The following BMPR1B variants were observed in gnomAD, a reference collection of about 807,000 sequenced individuals.
The protein encoded by BMPR1B is bone morphogenetic protein receptor type-1B.
BMPR1B carries 12 observed loss-of-function variants against 59.1 expected under a neutral mutation model. The observed-to-expected ratio is 0.20, with a 90% CI of 0.13 to 0.33. BMPR1B has a LOEUF of 0.33. Ranked by LOEUF, BMPR1B falls within the 10% of genes least tolerant of loss-of-function variation. The probability of loss-of-function intolerance (pLI) is 1.00; values close to 1 mark genes in which losing one functional copy is unlikely to be tolerated. For synonymous variants in BMPR1B, 237 were observed against 207.3 expected, an observed-to-expected ratio of 1.14 and a Z score of -1.23; for missense variants, 550 against 610.9, an observed-to-expected ratio of 0.90 and a Z score of 1.05.
At chr4:94,980,125 A>G (rs1242952249) in intron 2 of BMPR1B, among the ~76,000 whole-genome samples, 1 of 152,224 alleles carries the variant, frequency 6.6e-6, no homozygotes, top group Non-Finnish European at 1.5e-5. Flanking sequence ...AGAATAAGTC[A>G]TCACAGTTCA....
chr4:95,089,062 C>T (rs1729795679), intron 3 of BMPR1B, among the ~76,000 whole-genome samples: 1 of 152,024 alleles, frequency 6.6e-6, no homozygotes, highest in Non-Finnish European at 1.5e-5. Flanking sequence ...CCTTTGCCCC[C>T]ATATTAGTAT....
intron 1 of BMPR1B, among the ~76,000 whole-genome samples, chr4:94,779,667 CT>C (rs1722516723): frequency 6.6e-6 from 1 of 151,986 alleles, no homozygotes; most frequent in Non-Finnish European, 1.5e-5. Flanking sequence ...CCTGTCTTTA[CT>C]AAAAATACAA....
At chr4:94,795,507 C>T (rs1316225988) in intron 1 of BMPR1B, among the ~76,000 whole-genome samples, 1 of 152,016 alleles carries the variant, frequency 6.6e-6, no homozygotes, top group Non-Finnish European at 1.5e-5. Flanking sequence ...CTCTGTTGCT[C>T]AGGTTGGAGT....
chr4:95,011,398 C>G (rs1416939177), intron 3 of BMPR1B, among the ~76,000 whole-genome samples: 1 of 152,136 alleles, frequency 6.6e-6, no homozygotes, highest in Non-Finnish European at 1.5e-5. Flanking sequence ...TGAGACTGTT[C>G]CACAGAGCTC....
intron 10 of BMPR1B, among the ~76,000 whole-genome samples, chr4:95,138,440 T>G (rs1733968523): frequency 1.3e-5 from 2 of 152,322 alleles, no homozygotes; most frequent in South Asian, 4.1e-4. Context: ...TTTCCTGAAT[T>G]TGAATGTTGG....
chr4:94,909,340 A>G (rs1017160677), intron 2 of BMPR1B, among the ~76,000 whole-genome samples: 8 of 152,020 alleles, frequency 5.3e-5, no homozygotes, highest in African/African-American at 1.9e-4. Flanking sequence ...TAAATACCCA[A>G]CAGGAAGGCA....
intron 1 of BMPR1B, among the ~76,000 whole-genome samples, chr4:94,860,283 A>G (rs774748217): frequency 8.5e-4 from 130 of 152,320 alleles, no homozygotes; most frequent in Middle Eastern, 6.8e-3. Context: ...ACAAACTTGA[A>G]GAGCAAAAAC....
chr4:94,878,238 A>G (rs1461092214), intron 2 of BMPR1B, among the ~76,000 whole-genome samples: 1 of 152,178 alleles, frequency 6.6e-6, no homozygotes, highest in Non-Finnish European at 1.5e-5. Context: ...CACTGTTTTA[A>G]TGTGCTATTT....
At chr4:95,090,171 T>C (rs1477014510) in intron 3 of BMPR1B, among the ~76,000 whole-genome samples, 1 of 152,032 alleles carries the variant, frequency 6.6e-6, no homozygotes, top group Non-Finnish European at 1.5e-5. Context: ...CTATGCATAT[T>C]TTTTTCTAAC....
chr4:94,820,856 A>G (rs1724183066), intron 1 of BMPR1B, among the ~76,000 whole-genome samples: 1 of 152,248 alleles, frequency 6.6e-6, no homozygotes, highest in Admixed American at 6.5e-5. Context: ...CTTCAACCAT[A>G]TAACATATGT....
chr4:95,018,890 G>A (rs1042954190), intron 3 of BMPR1B, among the ~76,000 whole-genome samples: 1 of 152,042 alleles, frequency 6.6e-6, no homozygotes, highest in Admixed American at 6.6e-5. Flanking sequence ...TTGGCACCTC[G>A]GACTTCATAC....
At chr4:94,824,723 A>G (rs1050272385) in intron 1 of BMPR1B, among the ~76,000 whole-genome samples, 1 of 152,184 alleles carries the variant, frequency 6.6e-6, no homozygotes, top group African/African-American at 2.4e-5. Flanking sequence ...TTTCTGTTTA[A>G]TTGATCTTGG....
Position 94,980,923 on chromosome 4 carries a change from A to C in BMPR1B, c.-112-15117A>C, listed in dbSNP as rs1045046059. ...GGCAGGAGAATCGCTTGAACCCAGG[A>C]GGCAGAGGTTGCAGTGAGCCGAGAT... On this transcript the variant is annotated intron_variant, in intron 2 of 12. Transcript: ENST00000515059. Among the ~76,000 whole-genome samples, 3 of 151,990 alleles carry C rather than the reference A, an allele frequency of 2.0e-5. No homozygotes were observed. The South Asian group carries it at 6.2e-4, about 32-fold the overall frequency.
At chr4:95,106,233 T>A (rs539976486) in intron 4 of BMPR1B, among the ~76,000 whole-genome samples, 105 of 152,088 alleles carry the variant, frequency 6.9e-4, no homozygotes, top group Non-Finnish European at 4.7e-4. Flanking sequence ...AAGAACGTGA[T>A]CTTATTCCTA....
intron 3 of BMPR1B, among the ~76,000 whole-genome samples, chr4:95,058,722 A>T (rs1727116506): frequency 6.6e-6 from 1 of 152,236 alleles, no homozygotes; most frequent in Non-Finnish European, 1.5e-5. Flanking sequence ...TCATTATCAA[A>T]CTAAGTCTTT....
chr4:95,069,610 A>G (rs554408404), intron 3 of BMPR1B, among the ~76,000 whole-genome samples: 174 of 152,216 alleles, frequency 1.1e-3, no homozygotes, highest in African/African-American at 3.9e-3. Context: ...TTCTCTCCAA[A>G]GTGCTTAGTA....
At chr4:94,861,122 CTG>C (rs1725961614) in intron 1 of BMPR1B, among the ~76,000 whole-genome samples, 1 of 152,026 alleles carries the variant, frequency 6.6e-6, no homozygotes, top group Non-Finnish European at 1.5e-5. Context: ...TAGTATAGTG[CTG>C]TGATTAAGAT....
chr4:94,940,321 A>T (rs943348878), intron 2 of BMPR1B, among the ~76,000 whole-genome samples: 1 of 151,848 alleles, frequency 6.6e-6, no homozygotes, highest in Non-Finnish European at 1.5e-5. Flanking sequence ...GCAATTTTTC[A>T]TTTTTTTTAA....
At chr4:94,853,139 T>C (rs1725626224) in intron 1 of BMPR1B, among the ~76,000 whole-genome samples, 1 of 152,150 alleles carries the variant, frequency 6.6e-6, no homozygotes, top group South Asian at 2.1e-4. Context: ...CGAAATTGTA[T>C]GTGTTTATTA....
Sources: allele counts gnomAD v4.1 joint callset (sites outside exome capture counted in the v4.1 genomes callset), GRCh38; gene constraint gnomAD v4.1.1; transcripts MANE v1.5; gene names NCBI Gene and HGNC (gene_info 2026-07-23, HGNC 2026-07-21).